The following RPA3 variants were observed in gnomAD, a reference collection of about 807,000 sequenced individuals.
RPA3 encodes replication protein A 14 kDa subunit.
In RPA3, 24 loss-of-function variants were observed where a neutral mutation model predicts 13.7. The ratio of observed to expected loss-of-function variants is 1.75; its 90% CI spans 1.27 to 2.46. The LOEUF is 2.46. Among genes scored for constraint, RPA3 ranks in the 30% most tolerant of loss-of-function variants. RPA3 has a pLI of 0.00. For missense variants in RPA3, 183 were observed against 151.0 expected (o/e 1.21, Z -1.11); for synonymous variants, 59 against 51.2 (o/e 1.15, Z -0.65).
chr7:7,656,202 AG>A (rs376530031), intron 4 of RPA3, among the ~76,000 whole-genome samples: 165 of 152,270 alleles, frequency 1.1e-3, no homozygotes, highest in African/African-American at 3.6e-3. Flanking sequence ...CCATTGTAAA[AG>A]CTGCGTGGTT....
intron 4 of RPA3, among the ~76,000 whole-genome samples, chr7:7,681,177 AC>A (rs1779902811): frequency 6.6e-6 from 1 of 152,140 alleles, no homozygotes; most frequent in South Asian, 2.1e-4. Flanking sequence ...GGCCTTTATA[AC>A]CCATTTCTAG....
intron 2 of RPA3, among the ~76,000 whole-genome samples, chr7:7,700,170 T>C (rs1002336304): frequency 1.3e-5 from 2 of 152,142 alleles, no homozygotes; most frequent in Admixed American, 1.3e-4. Flanking sequence ...GATCAAGGCA[T>C]TGGCAAATAG....
chr7:7,713,067 G>A (rs766850903), intron 2 of RPA3, among the ~76,000 whole-genome samples: 7 of 152,098 alleles, frequency 4.6e-5, no homozygotes, highest in East Asian at 1.9e-4. Context: ...GGCCGCGCGC[G>A]GTGGCTCACA....
chr7:7,669,432 G>T (rs1563104013), intron 4 of RPA3, among the ~76,000 whole-genome samples: 1 of 152,142 alleles, frequency 6.6e-6, no homozygotes, highest in Non-Finnish European at 1.5e-5. Context: ...TCCACTGTAG[G>T]TTACGTTTTT....
At chr7:7,677,799 A>G (rs888836432) in intron 4 of RPA3, among the ~76,000 whole-genome samples, 6 of 147,460 alleles carry the variant, frequency 4.1e-5, no homozygotes, top group Middle Eastern at 3.3e-3. Context: ...TCAGCCTCCC[A>G]AGTAGCTGGG....
intron 4 of RPA3, among the ~76,000 whole-genome samples, chr7:7,643,214 A>G (rs1478433972): frequency 6.6e-6 from 1 of 152,196 alleles, no homozygotes; most frequent in Non-Finnish European, 1.5e-5. Flanking sequence ...CGAGGGAGAA[A>G]CAGCTTCCTG....
chr7:7,696,813 A>G (rs1057458459), intron 2 of RPA3, among the ~76,000 whole-genome samples: 1 of 152,098 alleles, frequency 6.6e-6, no homozygotes, highest in Non-Finnish European at 1.5e-5. Context: ...ACTAACATGT[A>G]GATGTTCTCT....
chr7:7,673,310 TAGCAGCAGCAGCAGCAGCAGC>T lies in RPA3; in HGVS notation c.-758+12499_-758+12519del. Reference sequence around the variant, plus strand: ...CATTGTGTAATGTTTCTATTTCAGGTAGCAGCAGCAGCAGCAGCAGCAGCAGCAGCAGCAGCAGCAGCAGCA... The same window carrying T: ...CATTGTGTAATGTTTCTATTTCAGGTAGCAGCAGCAGCAGCAGCAGCAGCA... On this transcript the variant is annotated intron_variant, in intron 4 of 7. Coordinates refer to ENST00000223129, the MANE Select transcript of RPA3 (RefSeq NM_002947.5). 3.6e-4 allele frequency: 370 copies of T among 1,033,872 alleles called. 3 individuals carry two copies. The highest frequency in any genetic ancestry group is 1.2e-3 in the African/African-American group (75 of 60,996). 64.0% of individuals were successfully genotyped at this position (1,033,872 alleles called of 1,614,324 possible).
chr7:7,644,575 TCTCC>T (rs1785054326), intron 4 of RPA3, among the ~76,000 whole-genome samples: 1 of 152,200 alleles, frequency 6.6e-6, no homozygotes, highest in South Asian at 2.1e-4. Flanking sequence ...GTCAGATAAG[TCTCC>T]AATCTCTGTT....
intron 2 of RPA3, among the ~76,000 whole-genome samples, chr7:7,700,615 C>T (rs1007006819): frequency 1.3e-5 from 2 of 152,116 alleles, no homozygotes; most frequent in South Asian, 2.1e-4. Flanking sequence ...GGGCCGGGCG[C>T]GGTGGCTCAC....
At chr7:7,653,967 T>A (rs1023991209) in intron 4 of RPA3, among the ~76,000 whole-genome samples, 2 of 152,186 alleles carry the variant, frequency 1.3e-5, no homozygotes, top group African/African-American at 2.4e-5. Context: ...GAAACCTTGG[T>A]CCAATGTAAT....
rs557877574 is a variant in RPA3, at chr7:7,706,901, G to C, written c.-1028+8274C>G. ...ATCCATTGCAGCACAAACATTTGCA[G>C]GGGTGGCTAAGATCCTAACAGAGGC... On this transcript the variant is annotated intron_variant, in intron 2 of 7. Transcript: ENST00000223129. Among the ~76,000 whole-genome samples, 124 of 152,278 alleles carry C rather than the reference G, an allele frequency of 8.1e-4. 1 individual carries two copies. The South Asian group carries it at 0.024, about 30-fold the overall frequency.
At chr7:7,687,515 C>T (rs532175465) in intron 2 of RPA3, among the ~76,000 whole-genome samples, 187 bp from the exon 3 acceptor site, 9 of 152,224 alleles carry the variant, frequency 5.9e-5, no homozygotes, top group Admixed American at 4.6e-4. Context: ...ACATATAGGC[C>T]TTCCCTCAAC....
intron 2 of RPA3, among the ~76,000 whole-genome samples, chr7:7,701,436 T>C (rs1317844051): frequency 6.6e-6 from 1 of 152,188 alleles, no homozygotes; most frequent in Non-Finnish European, 1.5e-5. Flanking sequence ...ACTGGAACTG[T>C]CCTGCTCAAC....
At chr7:7,700,553 C>G (rs963933379) in intron 2 of RPA3, among the ~76,000 whole-genome samples, 1 of 151,912 alleles carries the variant, frequency 6.6e-6, no homozygotes, top group Non-Finnish European at 1.5e-5. Context: ...AGTGAGACCC[C>G]CATCTCTACA....
intron 2 of RPA3, among the ~76,000 whole-genome samples, chr7:7,694,046 G>A (rs1780244995): frequency 6.6e-6 from 1 of 152,042 alleles, no homozygotes; most frequent in Non-Finnish European, 1.5e-5. Context: ...TGAGTCATTA[G>A]ACACTTGAAC....
At chr7:7,663,339 A>G (rs1221645542) in intron 4 of RPA3, among the ~76,000 whole-genome samples, 3 of 125,250 alleles carry the variant, frequency 2.4e-5, no homozygotes, top group African/African-American at 8.6e-5. Flanking sequence ...AGAGAGGTGG[A>G]AGTAAAATTT....
intron 4 of RPA3, chr7:7,673,434 A>T: frequency 1.1e-6 from 1 of 934,014 alleles, no homozygotes; most frequent in East Asian, 2.6e-5. Flanking sequence ...AGACAGAAGC[A>T]GATGGATTCG....
At chr7:7,665,113 T>C (rs1779407629) in intron 4 of RPA3, among the ~76,000 whole-genome samples, 1 of 152,236 alleles carries the variant, frequency 6.6e-6, no homozygotes, top group Non-Finnish European at 1.5e-5. Context: ...TTGATATATT[T>C]ACATTAACTA....
Sources: gnomAD v4.1 joint callset for allele counts (sites outside exome capture counted in the v4.1 genomes callset) on GRCh38, gnomAD v4.1.1 for gene constraint, MANE v1.5 for transcripts, NCBI Gene and HGNC (gene_info 2026-07-23, HGNC 2026-07-21) for gene names.